The following CSMD3 variants were observed in gnomAD, a reference collection of about 807,000 sequenced individuals.
CSMD3 encodes the protein CUB and Sushi multiple domains 3.
CSMD3 carries 177 observed loss-of-function variants against 435.2 expected under a neutral mutation model. That is an observed-to-expected ratio of 0.41 (90% CI 0.36 to 0.46). CSMD3 has a LOEUF of 0.46. Ranked by LOEUF, CSMD3 falls within the 20% of genes least tolerant of loss-of-function variation. CSMD3 has a pLI of 0.34. For missense variants in CSMD3, 4,265 were observed against 4,504.6 expected (o/e 0.95, Z 1.52); for synonymous variants, 1,656 against 1,520.5 (o/e 1.09, Z -2.07).
chr8:112,348,299 A>G (rs1825843199), intron 40 of CSMD3, among the ~76,000 whole-genome samples: 1 of 152,198 alleles, frequency 6.6e-6, no homozygotes, highest in South Asian at 2.1e-4. Context: ...ACCATACCTT[A>G]GTCTTCCAAA....
chr8:112,556,909 C>T lies in CSMD3; in HGVS notation c.4088G>A (p.Gly1363Glu), dbSNP rs1211285238. 6.2e-7 allele frequency: 1 copy of T among 1,612,124 alleles called. No homozygotes were observed. Among genetic ancestry groups the T allele is most frequent in the Admixed American group, 1.7e-5 (1 of 59,738 alleles). ...HCEDPGIPQF[G>E]YKISDQGHFA... is the part of the protein sequence containing the mutation. ...GTGGCCTTGGTCACTGATCTTGTATCCAAATTGTGGAATGCCAGGATCTTC... is the reference window on the plus strand; with the variant it reads ...GTGGCCTTGGTCACTGATCTTGTATTCAAATTGTGGAATGCCAGGATCTTC... Residue 1363 changes from glycine (G) to glutamate (E), a missense_variant, in exon 25 of 71, where the codon GGA (glycine) becomes GAA (glutamate). Around this residue, in one of 3 missense-constraint regions of CSMD3, gnomAD observed 3,255 missense variants for 3,380.2 expected, o/e 0.96. Transcript: ENST00000297405.
intron 30 of CSMD3, among the ~76,000 whole-genome samples, chr8:112,497,927 G>A (rs1054834863): frequency 6.6e-6 from 1 of 152,008 alleles, no homozygotes; most frequent in Non-Finnish European, 1.5e-5. Context: ...ATTGGATCTC[G>A]AGAACATTAT....
At chr8:112,991,351 A>G (rs1416327593) in intron 6 of CSMD3, among the ~76,000 whole-genome samples, 1 of 151,802 alleles carries the variant, frequency 6.6e-6, no homozygotes, top group South Asian at 2.1e-4. Flanking sequence ...ATTTGGTGGG[A>G]CATCAGGAGT....
At chr8:112,801,371 T>C (rs1224855905) in intron 12 of CSMD3, among the ~76,000 whole-genome samples, 1 of 151,990 alleles carries the variant, frequency 6.6e-6, no homozygotes, top group Non-Finnish European at 1.5e-5. Flanking sequence ...CAAACCTCAT[T>C]TGCAGTACAA....
At chr8:113,351,074 C>A (rs183720121) in intron 1 of CSMD3, among the ~76,000 whole-genome samples, 1 of 152,256 alleles carries the variant, frequency 6.6e-6, no homozygotes, top group African/African-American at 2.4e-5. Flanking sequence ...CTCACTGTAG[C>A]CTTCACCACA....
intron 2 of CSMD3, among the ~76,000 whole-genome samples, chr8:113,281,694 A>G (rs2093614111): frequency 1.3e-5 from 2 of 151,862 alleles, no homozygotes; most frequent in Non-Finnish European, 1.5e-5. Flanking sequence ...CCTTGCATAC[A>G]TCGTGCACTT....
chr8:112,607,334 A>G (rs1832878102), intron 22 of CSMD3, among the ~76,000 whole-genome samples: 1 of 152,032 alleles, frequency 6.6e-6, no homozygotes, highest in Non-Finnish European at 1.5e-5. Context: ...AGTCTGATTC[A>G]CTAATTAAAA....
At chr8:112,970,366 A>T (rs892127795) in intron 7 of CSMD3, among the ~76,000 whole-genome samples, 8 of 143,774 alleles carry the variant, frequency 5.6e-5, no homozygotes, top group African/African-American at 2.1e-4. Context: ...ACTGCACTCC[A>T]GCTTGGGTGA....
At chr8:112,252,101 A>T (rs1467154560) in intron 63 of CSMD3, among the ~76,000 whole-genome samples, 1 of 151,996 alleles carries the variant, frequency 6.6e-6, no homozygotes, top group Non-Finnish European at 1.5e-5. Flanking sequence ...AAATTAAGAA[A>T]ATGATCTGAG....
chr8:112,888,356 C>A (rs922248240), intron 10 of CSMD3, among the ~76,000 whole-genome samples: 3 of 151,618 alleles, frequency 2.0e-5, no homozygotes, highest in Non-Finnish European at 3.0e-5. Context: ...CTAACGTAGG[C>A]TTAAAGCCAA....
intron 27 of CSMD3, among the ~76,000 whole-genome samples, chr8:112,534,954 G>A (rs1039067757): frequency 6.6e-6 from 1 of 152,130 alleles, no homozygotes; most frequent in Non-Finnish European, 1.5e-5. Context: ...AATAGATGCA[G>A]AAAAGGCCTT....
At chr8:112,811,009 C>A (rs1288354091) in intron 12 of CSMD3, among the ~76,000 whole-genome samples, 1 of 151,996 alleles carries the variant, frequency 6.6e-6, no homozygotes, top group Non-Finnish European at 1.5e-5. Flanking sequence ...TCTGCTTGAA[C>A]TATTCACTAT....
At chr8:113,038,891 T>C (rs2087476328) in intron 5 of CSMD3, among the ~76,000 whole-genome samples, 1 of 152,228 alleles carries the variant, frequency 6.6e-6, no homozygotes. Context: ...TTCATTTTAC[T>C]TCATGCCATT....
chr8:112,307,479 C>T (rs1292395470), intron 50 of CSMD3, among the ~76,000 whole-genome samples: 2 of 151,868 alleles, frequency 1.3e-5, no homozygotes, highest in Non-Finnish European at 2.9e-5. Context: ...CACGGGTTTT[C>T]GTCATGTTGG....
At chr8:112,403,181 T>G (rs1329597227) in intron 35 of CSMD3, among the ~76,000 whole-genome samples, 2 of 152,206 alleles carry the variant, frequency 1.3e-5, no homozygotes, top group African/African-American at 4.8e-5. Context: ...AAATAGCTTA[T>G]AAGTCAGAAC....
chr8:113,425,096 G>C (rs2094628601), intron 1 of CSMD3, among the ~76,000 whole-genome samples: 1 of 151,384 alleles, frequency 6.6e-6, no homozygotes, highest in Non-Finnish European at 1.5e-5. Context: ...ATAAATAATT[G>C]ATAGCTGAAG....
rs1461585186 is a variant in CSMD3 at position 112,550,883 on chromosome 8, A to T, written c.4362-10T>A. The T allele has an allele frequency of 6.3e-7, 1 of 1,589,224 alleles. No homozygotes were observed. Among genetic ancestry groups the T allele is most frequent in the Non-Finnish European group, 8.6e-7 (1 of 1,157,740 alleles). On this transcript the variant is annotated splice_polypyrimidine_tract_variant and intron_variant, in intron 26 of 70. Transcript: ENST00000297405. ...AGCAAGAAACTGCAAGCTGTGGGAG[A>T]ACCATATTTCTCTGATTATTTTAAA... is the stretch of plus-strand genomic sequence containing the variant.
At chr8:112,460,017 G>GCCA (rs2130669495) in intron 32 of CSMD3, among the ~76,000 whole-genome samples, 1 of 152,156 alleles carries the variant, frequency 6.6e-6, no homozygotes, top group South Asian at 2.1e-4. Context: ...TCTCAAATCA[G>GCCA]CCACCAGCCT....
At chr8:112,317,622 A>G (rs1822595984) in intron 47 of CSMD3, among the ~76,000 whole-genome samples, 1 of 152,056 alleles carries the variant, frequency 6.6e-6, no homozygotes, top group Non-Finnish European at 1.5e-5. Context: ...TATGTAAGTG[A>G]TAGACTTCAG....
Sources: allele counts gnomAD v4.1 joint callset (sites outside exome capture counted in the v4.1 genomes callset), GRCh38; gene constraint gnomAD v4.1.1; regional missense constraint gnomAD v4.1.1; transcripts MANE v1.5; gene names NCBI Gene and HGNC (gene_info 2026-07-23, HGNC 2026-07-21).